KCNN3: variants seen among roughly 807,000 people sequenced by gnomAD.
The protein encoded by KCNN3 is potassium calcium-activated channel subfamily N member 3.
A neutral mutation model predicts 62.9 loss-of-function variants in KCNN3; 16 were observed. The observed-to-expected ratio is 0.25, with a 90% CI of 0.17 to 0.39. KCNN3 has a LOEUF of 0.39. KCNN3 is among the 10% of genes least tolerant of loss of function. The probability of loss-of-function intolerance (pLI) is 1.00; values close to 1 mark genes in which losing one functional copy is unlikely to be tolerated. For missense variants in KCNN3, 599 were observed against 949.4 expected, an observed-to-expected ratio of 0.63 and a Z score of 4.85; for synonymous variants, 370 against 389.2, an observed-to-expected ratio of 0.95 and a Z score of 0.58.
intron 6 of KCNN3, among the ~76,000 whole-genome samples, chr1:154,714,054 GTGTGTGTGTGTGGTGTT>G (rs1700136849): frequency 3.8e-5 from 1 of 26,658 alleles, no homozygotes; most frequent in Admixed American, 4.1e-4. Flanking sequence ...TGTGCGGGGT[GTGTGTGTGTGTGGTGTT>G]TGTGTGTGGT....
chr1:154,781,718 CG>C (rs1216924154), intron 2 of KCNN3, among the ~76,000 whole-genome samples: 1 of 152,014 alleles, frequency 6.6e-6, no homozygotes, highest in African/African-American at 2.4e-5. Context: ...AGCTTTGCCC[CG>C]ATCAGCTTAT....
intron 3 of KCNN3, among the ~76,000 whole-genome samples, chr1:154,755,026 G>A (rs536799700): frequency 3.3e-5 from 5 of 152,236 alleles, no homozygotes; most frequent in South Asian, 2.1e-4. Context: ...CGCCACCACC[G>A]CCCTTCTAAG....
At chr1:154,792,283 A>G (rs569178856) in intron 2 of KCNN3, among the ~76,000 whole-genome samples, 179 of 152,180 alleles carry the variant, frequency 1.2e-3, no homozygotes, top group Non-Finnish European at 2.2e-3. Flanking sequence ...CCTCCCTCTA[A>G]TTGGGATCAT....
intron 5 of KCNN3, among the ~76,000 whole-genome samples, chr1:154,723,173 G>A (rs758866474): frequency 6.6e-6 from 1 of 152,234 alleles, no homozygotes; most frequent in Non-Finnish European, 1.5e-5. Context: ...AACCAGAGCA[G>A]GCCAAGGATG....
At position 154,704,192 on chromosome 1, in the gene KCNN3, A is replaced by G. The variant is rs986110008; in HGVS notation, c.*3784T>C. On this transcript the variant is annotated 3_prime_UTR_variant, in exon 8 of 8. Transcript: ENST00000271915. ...TTTGCGTACATTTTCTATGTCTCCTAATTCACAAGATTGTTGTTCTACCAC... is the reference window on the plus strand; with the variant it reads ...TTTGCGTACATTTTCTATGTCTCCTGATTCACAAGATTGTTGTTCTACCAC... 6 of 152,194 alleles carry G rather than the reference A, an allele frequency of 3.9e-5. No homozygotes were observed. Among genetic ancestry groups the G allele is most frequent in the Admixed American group, 2.6e-4 (4 of 15,282 alleles). The allele number at this position is 152,194 out of a possible 1,614,324, so 9.4% of individuals were successfully genotyped here. A position where few individuals can be genotyped will look rare whatever the true frequency, so the allele number is the denominator to read the frequency against.
chr1:154,778,611 C>CTTTTTTTTTT (rs11459390), intron 2 of KCNN3, among the ~76,000 whole-genome samples: 2 of 73,602 alleles, frequency 2.7e-5, no homozygotes, highest in Admixed American at 2.1e-4. Context: ...CTCTCTGTCT[C>CTTTTTTTTTT]TTTTTTTTTT....
chr1:154,781,451 T>C (rs1649043632), intron 2 of KCNN3, among the ~76,000 whole-genome samples: 2 of 152,232 alleles, frequency 1.3e-5, no homozygotes, highest in African/African-American at 4.8e-5. Context: ...ATTTTTCATG[T>C]ACGCCCAACA....
intron 1 of KCNN3, among the ~76,000 whole-genome samples, chr1:154,825,388 CAG>C (rs1379935510): frequency 7.8e-6 from 1 of 128,470 alleles, no homozygotes; most frequent in African/African-American, 3.0e-5. Flanking sequence ...TTTTTTGAGA[CAG>C]AGTCTTGCTC....
At chr1:154,852,902 A>G (rs1422501582) in intron 1 of KCNN3, among the ~76,000 whole-genome samples, 1 of 152,184 alleles carries the variant, frequency 6.6e-6, no homozygotes, top group African/African-American at 2.4e-5. Context: ...CTCTTCCCCC[A>G]GGTGGCTGGA....
intron 1 of KCNN3, among the ~76,000 whole-genome samples, chr1:154,834,374 G>C (rs535249636): frequency 2.0e-5 from 3 of 152,322 alleles, no homozygotes; most frequent in African/African-American, 7.2e-5. Flanking sequence ...TTGGGTGCTG[G>C]TCCTGCCTAT....
chr1:154,808,528 C>A (rs1003072989), intron 2 of KCNN3, among the ~76,000 whole-genome samples: 1 of 152,166 alleles, frequency 6.6e-6, no homozygotes, highest in Non-Finnish European at 1.5e-5. Context: ...TGTGTGTCTG[C>A]GTGCTTATCT....
rs1571203215 is a variant in KCNN3, at chr1:154,714,158, T to C, written c.1830-625A>G. Among the ~76,000 whole-genome samples, 3 of 78,714 alleles carry C rather than the reference T, an allele frequency of 3.8e-5. No homozygotes were observed. In the Admixed American group the frequency reaches 4.0e-4, roughly 11 times the overall value. The allele number at this position is 78,714 out of a possible 152,430, so 51.6% of individuals were successfully genotyped here. A position where few individuals can be genotyped will look rare whatever the true frequency, so the allele number is the denominator to read the frequency against. ...GTGTGGTGTTTGTGTGTGGTATGTA[T>C]GGTGTGTGTGATGTGTGGTGTGTGG... is the stretch of plus-strand genomic sequence containing the variant. On this transcript the variant is annotated intron_variant, in intron 6 of 7. Coordinates refer to ENST00000271915, the MANE Select transcript of KCNN3 (RefSeq NM_002249.6).
intron 3 of KCNN3, among the ~76,000 whole-genome samples, chr1:154,748,067 C>T (rs1478388507): frequency 5.3e-5 from 8 of 152,208 alleles, no homozygotes; most frequent in Middle Eastern, 3.2e-3. Flanking sequence ...GTTGGTTTGT[C>T]GGTCGGCAGG....
intron 2 of KCNN3, among the ~76,000 whole-genome samples, chr1:154,804,384 A>C (rs1459813220): frequency 6.6e-6 from 1 of 152,256 alleles, no homozygotes; most frequent in Non-Finnish European, 1.5e-5. Context: ...TAGTGCTTAG[A>C]ATTCATGATA....
At chr1:154,817,507 C>A (rs187450202) in intron 2 of KCNN3, among the ~76,000 whole-genome samples, 45 of 152,276 alleles carry the variant, frequency 3.0e-4, no homozygotes, top group Admixed American at 6.5e-4. Context: ...GGTTATTAGT[C>A]CTATTTTACA....
Position 154,756,000 on chromosome 1 carries a change from A to G in KCNN3, c.1448+15975T>C, listed in dbSNP as rs1169209433. On this transcript the variant is annotated intron_variant, in intron 3 of 7. Transcript: ENST00000271915. ...AGGAGGAGGAAGAGCAAGAAGAACAAGAAGCCAAAGGCAAAGAAGAAGAAG... is the reference window on the plus strand; with the variant it reads ...AGGAGGAGGAAGAGCAAGAAGAACAGGAAGCCAAAGGCAAAGAAGAAGAAG... Among the ~76,000 whole-genome samples the G allele has an allele frequency of 2.1e-5, 3 of 140,306 alleles. No individual in the cohort carries two copies. The East Asian group carries it at 6.0e-4, about 28-fold the overall frequency. The allele number at this position is 140,306 out of a possible 152,430, so 92.0% of individuals were successfully genotyped here.
At chr1:154,825,225 T>A (rs895178389) in intron 1 of KCNN3, among the ~76,000 whole-genome samples, 2 of 152,278 alleles carry the variant, frequency 1.3e-5, no homozygotes, top group South Asian at 4.1e-4. Context: ...TGAGGACCAA[T>A]AAGGGGCTTG....
intron 2 of KCNN3, among the ~76,000 whole-genome samples, chr1:154,798,309 A>G (rs11264264): frequency 0.42 from 63,276 of 152,138 alleles, 15,096 homozygotes; most frequent in East Asian, 0.71. Context: ...GTGCTCTGAC[A>G]CACAGTGCTT....
In KCNN3 at chr1:154,869,392, G is replaced by C. The variant is rs1190754931; in HGVS notation, c.573C>G (p.Leu191=). The C allele has an allele frequency of 1.2e-6, 2 of 1,613,966 alleles. No homozygotes were observed. Among genetic ancestry groups the C allele is most frequent in the African/African-American group, 2.7e-5 (2 of 74,938 alleles). The change falls in exon 1 of 8, where the codon CTC becomes CTG. Residue 191 remains leucine, a synonymous_variant. Coordinates refer to ENST00000271915, the MANE Select transcript of KCNN3 (RefSeq NM_002249.6). This position sits in a 1 kb window ranked among gnomAD's most constrained non-coding sequence, Gnocchi z 6.1. ...CGATGAGGTTCCTCCGGGAGGCGCT[G>C]AGGCGGCTGAGGGGCTTCATGACCC... ...SGGVMKPLSR[L]SASRRNLIEA...
Sources: allele counts gnomAD v4.1 joint callset (sites outside exome capture counted in the v4.1 genomes callset), GRCh38; gene constraint gnomAD v4.1.1; non-coding constraint Gnocchi (gnomAD v3.1); transcripts MANE v1.5; gene names NCBI Gene and HGNC (gene_info 2026-07-23, HGNC 2026-07-21).